WWOX: variants seen among roughly 807,000 people sequenced by gnomAD.
WWOX encodes WW domain containing oxidoreductase.
WWOX carries 69 observed loss-of-function variants against 46.2 expected under a neutral mutation model. The ratio of observed to expected loss-of-function variants is 1.49; its 90% CI spans 1.23 to 1.82. The LOEUF is 1.82. Among genes scored for constraint, WWOX ranks in the 40% most tolerant of loss-of-function variants. WWOX has a pLI of 0.00. For missense variants in WWOX, 919 were observed against 542.6 expected (o/e 1.69, Z -6.89); for synonymous variants, 359 against 202.6 (o/e 1.77, Z -6.56).
chr16:78,863,394 C>T (rs1011600930), intron 8 of WWOX, among the ~76,000 whole-genome samples: 4 of 152,178 alleles, frequency 2.6e-5, no homozygotes, highest in Non-Finnish European at 5.9e-5. Context: ...TGAATGGACC[C>T]TGAGTATCTT....
Position 78,913,295 on chromosome 16 carries a change from C to T in WWOX, c.1057-298313C>T, listed in dbSNP as rs536867700. ...ACATCAGCAAGCCCGTTTTTTGCCTCTTCCTGGTTCATGGTTAGACTGCAT... is the reference window on the plus strand; with the variant it reads ...ACATCAGCAAGCCCGTTTTTTGCCTTTTCCTGGTTCATGGTTAGACTGCAT... On this transcript the variant is annotated intron_variant, in intron 8 of 8. Transcript: ENST00000566780. Among the ~76,000 whole-genome samples, 16 of 152,028 alleles carry T rather than the reference C, an allele frequency of 1.1e-4. No individual in the cohort carries two copies. The East Asian group carries it at 1.2e-3, about 11-fold the overall frequency.
chr16:78,386,694 G>T (rs981590620), intron 5 of WWOX, among the ~76,000 whole-genome samples, 166 bp from the exon 6 acceptor site: 1 of 136,818 alleles, frequency 7.3e-6, no homozygotes, highest in Non-Finnish European at 1.5e-5. Flanking sequence ...GAACTTGGCA[G>T]TAAAAGCCCT....
At chr16:78,145,790 T>A (rs1042232958) in intron 4 of WWOX, 3 of 152,134 alleles carry the variant, frequency 2.0e-5, no homozygotes, top group Non-Finnish European at 4.4e-5. Flanking sequence ...ACCAGTCCTA[T>A]TGGATTAGGG....
intron 8 of WWOX, among the ~76,000 whole-genome samples, chr16:78,585,251 G>A (rs559695630): frequency 6.6e-6 from 1 of 152,318 alleles, no homozygotes; most frequent in Non-Finnish European, 1.5e-5. Context: ...GCTGAATGTT[G>A]ATCTATTTAG....
intron 4 of WWOX, among the ~76,000 whole-genome samples, chr16:78,151,857 AC>A (rs1203357103): frequency 2.0e-5 from 3 of 152,156 alleles, no homozygotes; most frequent in African/African-American, 4.8e-5. Context: ...TTTGTGTCTT[AC>A]GTGCACGCTG....
intron 8 of WWOX, among the ~76,000 whole-genome samples, chr16:78,786,254 A>G (rs986215512): frequency 1.3e-5 from 2 of 152,242 alleles, no homozygotes; most frequent in Admixed American, 6.5e-5. Flanking sequence ...GAGACAATCA[A>G]TAAAGCAATA....
intron 8 of WWOX, among the ~76,000 whole-genome samples, chr16:78,610,811 G>A (rs1323670026): frequency 6.6e-6 from 1 of 152,072 alleles, no homozygotes; most frequent in Non-Finnish European, 1.5e-5. Flanking sequence ...AACTCTGGGG[G>A]CATTATCATT....
intron 8 of WWOX, among the ~76,000 whole-genome samples, chr16:79,080,676 C>G (rs2048744179): frequency 6.6e-6 from 1 of 152,116 alleles, no homozygotes; most frequent in South Asian, 2.1e-4. Flanking sequence ...TGTTGAAAAA[C>G]CATGGCTTAG....
chr16:78,230,722 G>C (rs2037233706), intron 5 of WWOX, among the ~76,000 whole-genome samples: 1 of 152,214 alleles, frequency 6.6e-6, no homozygotes, highest in Non-Finnish European at 1.5e-5. Context: ...GTGTGAAAGG[G>C]AAGGCAAATT....
chr16:78,306,886 AC>A (rs1449312728), intron 5 of WWOX, among the ~76,000 whole-genome samples: 1 of 151,986 alleles, frequency 6.6e-6, no homozygotes, highest in Non-Finnish European at 1.5e-5. Context: ...TTCCCAGTGA[AC>A]CCCACTTGTG....
At chr16:78,789,746 G>A (rs1441905148) in intron 8 of WWOX, among the ~76,000 whole-genome samples, 4 of 152,110 alleles carry the variant, frequency 2.6e-5, no homozygotes, top group Admixed American at 2.0e-4. Flanking sequence ...TGTGAGCCAC[G>A]GTTGGCCAGC....
intron 8 of WWOX, among the ~76,000 whole-genome samples, chr16:78,719,534 G>A (rs1277688364): frequency 1.3e-5 from 2 of 152,190 alleles, no homozygotes; most frequent in Non-Finnish European, 2.9e-5. Context: ...GGAGACAAGT[G>A]TGTCGTTAAT....
At chr16:78,622,950 C>T (rs1167157780) in intron 8 of WWOX, among the ~76,000 whole-genome samples, 1 of 152,062 alleles carries the variant, frequency 6.6e-6, no homozygotes, top group East Asian at 1.9e-4. Context: ...CAGTAAGGAA[C>T]TGCATTTGGC....
intron 5 of WWOX, among the ~76,000 whole-genome samples, chr16:78,169,749 A>G (rs1005888962): frequency 6.6e-6 from 1 of 151,968 alleles, no homozygotes; most frequent in Admixed American, 6.6e-5. Flanking sequence ...CCATCTCCCT[A>G]CGTTGTTTGC....
chr16:78,607,779 A>G (rs1361721401), intron 8 of WWOX, among the ~76,000 whole-genome samples: 1 of 151,034 alleles, frequency 6.6e-6, no homozygotes, highest in Non-Finnish European at 1.5e-5. Flanking sequence ...TTGCATTTTC[A>G]TATTTGTCAT....
intron 8 of WWOX, among the ~76,000 whole-genome samples, chr16:78,855,593 G>T (rs1597726379): frequency 6.6e-6 from 1 of 152,180 alleles, no homozygotes; most frequent in African/African-American, 2.4e-5. Flanking sequence ...TTCCTGCTCA[G>T]AGCTGTAGCC....
intron 5 of WWOX, among the ~76,000 whole-genome samples, chr16:78,386,497 C>T (rs1041922573): frequency 6.6e-6 from 1 of 152,174 alleles, no homozygotes; most frequent in African/African-American, 2.4e-5. Context: ...TTGCATCTTT[C>T]CATGATCGAG....
intron 8 of WWOX, chr16:79,203,307 C>G (rs1194927385): frequency 6.6e-6 from 1 of 152,126 alleles, no homozygotes; most frequent in Non-Finnish European, 1.5e-5. Context: ...ATGGTCTGTT[C>G]CAGTGAGCTC....
At chr16:79,059,210 G>C (rs370921411) in intron 8 of WWOX, among the ~76,000 whole-genome samples, 2 of 152,200 alleles carry the variant, frequency 1.3e-5, no homozygotes, top group Non-Finnish European at 2.9e-5. Flanking sequence ...AAAACTCCAT[G>C]AATATGCTAT....
Sources: gnomAD v4.1 joint callset for allele counts (sites outside exome capture counted in the v4.1 genomes callset) on GRCh38, gnomAD v4.1.1 for gene constraint, MANE v1.5 for transcripts, NCBI Gene and HGNC (gene_info 2026-07-23, HGNC 2026-07-21) for gene names.